IGF2BP2: variants seen among roughly 807,000 people sequenced by gnomAD.
IGF2BP2 encodes insulin-like growth factor 2 mRNA-binding protein 2.
A neutral mutation model predicts 75.8 loss-of-function variants in IGF2BP2; 17 were observed. The ratio of observed to expected loss-of-function variants is 0.22; its 90% CI spans 0.15 to 0.34. The LOEUF is 0.34. Among genes scored for constraint, IGF2BP2 ranks in the 10% least tolerant of loss-of-function variants. The pLI, the probability that IGF2BP2 is intolerant of heterozygous loss-of-function variation, is 1.00. For missense variants in IGF2BP2, 516 were observed against 772.4 expected, an observed-to-expected ratio of 0.67 and a Z score of 3.93; for synonymous variants, 288 against 295.6, an observed-to-expected ratio of 0.97 and a Z score of 0.26.
chr3:185,665,419 A>AAGGAGAAGGAGGAGG (rs1560251179), intron 10 of IGF2BP2, among the ~76,000 whole-genome samples: 2 of 50,588 alleles, frequency 4.0e-5, no homozygotes, highest in African/African-American at 7.8e-5. Context: ...AAAGGAGGAG[A>AAGGAGAAGGAGGAGG]AGGAGAAGGA....
intron 11 of IGF2BP2, among the ~76,000 whole-genome samples, chr3:185,658,015 A>C (rs144984798): frequency 1.2e-3 from 178 of 152,248 alleles, no homozygotes; most frequent in African/African-American, 3.9e-3. Flanking sequence ...ACTTTGTTCA[A>C]AGATCTTTGG....
intron 2 of IGF2BP2, among the ~76,000 whole-genome samples, chr3:185,819,262 G>C (rs1416046021): frequency 6.6e-6 from 1 of 151,738 alleles, no homozygotes; most frequent in African/African-American, 2.4e-5. Flanking sequence ...TTAATGTTTA[G>C]GTGTTTAGCC....
intron 2 of IGF2BP2, among the ~76,000 whole-genome samples, chr3:185,761,911 C>T (rs1276494066): frequency 3.3e-5 from 5 of 152,200 alleles, no homozygotes; most frequent in Admixed American, 3.3e-4. Flanking sequence ...ACGTGTTATT[C>T]TAGGGTCCGT....
At chr3:185,742,120 T>C (rs1014479633) in intron 2 of IGF2BP2, among the ~76,000 whole-genome samples, 2 of 149,838 alleles carry the variant, frequency 1.3e-5, no homozygotes, top group Non-Finnish European at 3.0e-5. Context: ...TAATAAATGA[T>C]AAATTTTTTT....
chr3:185,824,393 C>A (rs1741767467), intron 1 of IGF2BP2, among the ~76,000 whole-genome samples: 1 of 135,264 alleles, frequency 7.4e-6, no homozygotes, highest in African/African-American at 2.9e-5. Context: ...GGGACCCTGA[C>A]AAAGGGGGTG....
chr3:185,665,548 A>AAGG (rs1491238218), intron 10 of IGF2BP2, among the ~76,000 whole-genome samples: 9 of 106,126 alleles, frequency 8.5e-5, no homozygotes, highest in African/African-American at 1.1e-4. Flanking sequence ...GGAGGAGGAG[A>AAGG]AGGAGGAGGA....
intron 2 of IGF2BP2, among the ~76,000 whole-genome samples, chr3:185,769,006 G>A (rs546765043): frequency 1.2e-3 from 182 of 152,272 alleles, no homozygotes; most frequent in African/African-American, 4.2e-3. Context: ...CAGCCTGGGC[G>A]ACAGAGTGAG....
intron 2 of IGF2BP2, among the ~76,000 whole-genome samples, chr3:185,733,281 T>C (rs1728427291): frequency 6.6e-6 from 1 of 152,160 alleles, no homozygotes; most frequent in Non-Finnish European, 1.5e-5. Flanking sequence ...TCAGGAAGCT[T>C]GATCCCAAGG....
rs1737339395 is a variant in IGF2BP2, at chr3:185,796,126, T to C, written c.239+27027A>G. Among the ~76,000 whole-genome samples, 3 of 152,216 alleles carry C rather than the reference T, an allele frequency of 2.0e-5. No homozygotes were observed. In the South Asian group the frequency reaches 6.2e-4, roughly 32 times the overall value. On this transcript the variant is annotated intron_variant, in intron 2 of 15. Coordinates refer to ENST00000382199, the MANE Select transcript of IGF2BP2 (RefSeq NM_006548.6). ...AGTGGAATAGATAATCCCTAAGGTCTATGGATTCTGTGGGTTCCATGAAAA... is the reference window on the plus strand; with the variant it reads ...AGTGGAATAGATAATCCCTAAGGTCCATGGATTCTGTGGGTTCCATGAAAA...
intron 10 of IGF2BP2, among the ~76,000 whole-genome samples, chr3:185,661,717 A>G (rs537373144): frequency 5.9e-5 from 9 of 151,808 alleles, no homozygotes; most frequent in Admixed American, 5.2e-4. Context: ...CTGGGGACAC[A>G]GTTATTAAGA....
chr3:185,796,564 CAAAA>C (rs60331633), intron 2 of IGF2BP2, among the ~76,000 whole-genome samples: 27,001 of 70,630 alleles, frequency 0.38, 2,375 homozygotes, highest in African/African-American at 0.43. Context: ...CATTCCGTCT[CAAAA>C]AAAAAAAAAA....
intron 2 of IGF2BP2, among the ~76,000 whole-genome samples, chr3:185,725,809 T>TA (rs1727242874): frequency 1.3e-5 from 2 of 152,226 alleles, no homozygotes; most frequent in African/African-American, 4.8e-5. Flanking sequence ...CCAATCTCTA[T>TA]AAAAATTTTT....
chr3:185,745,155 G>T (rs1015648792), intron 2 of IGF2BP2, among the ~76,000 whole-genome samples: 1 of 152,098 alleles, frequency 6.6e-6, no homozygotes, highest in Non-Finnish European at 1.5e-5. Flanking sequence ...GGTTTAACTT[G>T]ACAGATTAAA....
At chr3:185,787,975 A>G (rs182674504) in intron 2 of IGF2BP2, among the ~76,000 whole-genome samples, 1 of 152,354 alleles carries the variant, frequency 6.6e-6, no homozygotes, top group African/African-American at 2.4e-5. Context: ...AAAATCAAAA[A>G]GAAATTAGGC....
intron 3 of IGF2BP2, among the ~76,000 whole-genome samples, chr3:185,697,574 T>C (rs1722753642): frequency 6.6e-6 from 1 of 152,194 alleles, no homozygotes; most frequent in African/African-American, 2.4e-5. Context: ...GGTAGAAATC[T>C]TATAAGCTTT....
chr3:185,665,608 A>AAGGAGG (rs61547511), intron 10 of IGF2BP2, among the ~76,000 whole-genome samples: 18 of 143,380 alleles, frequency 1.3e-4, no homozygotes, highest in South Asian at 9.3e-4. Flanking sequence ...AAGGAAGAAG[A>AAGGAGG]AGGAGGAGGA....
chr3:185,730,343 C>G (rs767836526), intron 2 of IGF2BP2, among the ~76,000 whole-genome samples: 3 of 151,890 alleles, frequency 2.0e-5, no homozygotes, highest in Non-Finnish European at 2.9e-5. Flanking sequence ...TTTCTTTATC[C>G]AATCATCAGT....
chr3:185,725,977 A>G (rs1727273063), intron 2 of IGF2BP2, among the ~76,000 whole-genome samples: 1 of 152,194 alleles, frequency 6.6e-6, no homozygotes, highest in Non-Finnish European at 1.5e-5. Flanking sequence ...AAATTAATAA[A>G]TTAATTACTT....
chr3:185,745,697 C>A (rs534580640), intron 2 of IGF2BP2, among the ~76,000 whole-genome samples: 1 of 152,322 alleles, frequency 6.6e-6, no homozygotes, highest in Non-Finnish European at 1.5e-5. Context: ...AGAAGACACT[C>A]ACAAACAAAA....
Sources: gnomAD v4.1 joint callset for allele counts (sites outside exome capture counted in the v4.1 genomes callset) on GRCh38, gnomAD v4.1.1 for gene constraint, MANE v1.5 for transcripts, NCBI Gene and HGNC (gene_info 2026-07-23, HGNC 2026-07-21) for gene names.